Variants in XKR9 observed in about 807,000 individuals in gnomAD.
XKR9 encodes the protein XK related 9.
In XKR9, 32 loss-of-function variants were observed where a neutral mutation model predicts 32.0. That is an observed-to-expected ratio of 1.00 (90% CI 0.76 to 1.34). XKR9 has a LOEUF of 1.34. XKR9 is among the 40% of genes most tolerant of loss of function. XKR9 has a pLI of 0.00. For missense variants in XKR9, 546 were observed against 429.7 expected (o/e 1.27, Z -2.39); for synonymous variants, 168 against 143.4 (o/e 1.17, Z -1.22).
chr8:70,723,977 G>A (rs1806370507), intron 4 of XKR9, among the ~76,000 whole-genome samples: 1 of 150,732 alleles, frequency 6.6e-6, no homozygotes, highest in Admixed American at 6.6e-5. Context: ...CGCTGAAACT[G>A]CACCCACAAC....
At chr8:70,900,075 C>T in the XKR9 span, among the ~76,000 whole-genome samples, 1 of 151,920 alleles carries the variant, frequency 6.6e-6, no homozygotes, top group African/African-American at 2.4e-5. Flanking sequence ...GCACTCCAGC[C>T]TGGGTGATGG....
At chr8:71,025,588 C>T in the XKR9 span, among the ~76,000 whole-genome samples, 2 of 152,248 alleles carry the variant, frequency 1.3e-5, no homozygotes, top group Non-Finnish European at 2.9e-5. Context: ...ATGATCTTCT[C>T]TCTGTTGCCT....
At chr8:70,918,845 T>C in the XKR9 span, among the ~76,000 whole-genome samples, 2 of 137,028 alleles carry the variant, frequency 1.5e-5, no homozygotes, top group East Asian at 2.4e-4. Flanking sequence ...TGGCGCTGTC[T>C]CGGCTCACTG....
the XKR9 span, among the ~76,000 whole-genome samples, chr8:70,882,376 C>T: frequency 6.7e-6 from 1 of 149,552 alleles, no homozygotes; most frequent in Non-Finnish European, 1.5e-5. Context: ...AGAGAAATTT[C>T]CTCTTTTCCC....
At chr8:70,984,378 T>C in the XKR9 span, among the ~76,000 whole-genome samples, 1 of 152,220 alleles carries the variant, frequency 6.6e-6, no homozygotes, top group Non-Finnish European at 1.5e-5. Flanking sequence ...TCATCTCTGT[T>C]CTCTTCCCTA....
At chr8:70,951,589 CTG>C in the XKR9 span, among the ~76,000 whole-genome samples, 1 of 152,240 alleles carries the variant, frequency 6.6e-6, no homozygotes, top group East Asian at 1.9e-4. Context: ...TTTGAGGACA[CTG>C]TATTCATAGA....
the XKR9 span, among the ~76,000 whole-genome samples, chr8:71,018,928 C>A: frequency 3.9e-5 from 6 of 152,110 alleles, no homozygotes; most frequent in Non-Finnish European, 7.4e-5. Context: ...AAAAACACAA[C>A]ATAAAATTAC....
the XKR9 span, among the ~76,000 whole-genome samples, chr8:70,850,198 A>G: frequency 6.6e-6 from 1 of 152,104 alleles, no homozygotes; most frequent in Non-Finnish European, 1.5e-5. Flanking sequence ...ACGGTGGCTC[A>G]CACCTCTAAT....
At chr8:70,701,975 C>G (rs768530057) in intron 3 of XKR9, among the ~76,000 whole-genome samples, 9 of 152,088 alleles carry the variant, frequency 5.9e-5, no homozygotes, top group Non-Finnish European at 1.2e-4. Flanking sequence ...GTGGAAATGG[C>G]TTTTGCTCTT....
the XKR9 span, among the ~76,000 whole-genome samples, chr8:70,824,970 G>A: frequency 6.6e-6 from 1 of 152,128 alleles, no homozygotes; most frequent in East Asian, 1.9e-4. Flanking sequence ...AGATCTTGAT[G>A]TTTTCTCAAT....
At chr8:71,044,337 G>A in the XKR9 span, among the ~76,000 whole-genome samples, 1 of 152,188 alleles carries the variant, frequency 6.6e-6, no homozygotes, top group Middle Eastern at 3.2e-3. Flanking sequence ...GCTCAGTTGT[G>A]TGCTGCTTTG....
At chr8:71,018,901 C>T in the XKR9 span, among the ~76,000 whole-genome samples, 27 of 152,282 alleles carry the variant, frequency 1.8e-4, no homozygotes, top group Non-Finnish European at 3.4e-4. Flanking sequence ...CCAGTTAAAA[C>T]ATGCTCATTT....
At chr8:70,841,894 A>G in the XKR9 span, among the ~76,000 whole-genome samples, 1 of 152,190 alleles carries the variant, frequency 6.6e-6, no homozygotes, top group East Asian at 1.9e-4. Flanking sequence ...ATCCTCTGTA[A>G]TTAAGTATTT....
the XKR9 span, among the ~76,000 whole-genome samples, chr8:71,050,670 G>T: frequency 5.9e-5 from 9 of 152,132 alleles, no homozygotes; most frequent in Admixed American, 5.2e-4. Flanking sequence ...CCAATGCTGA[G>T]GTTTTGAGAG....
rs376828974 is a variant in XKR9, at chr8:70,753,376, C to A, written n.353-35963C>A. Among the ~76,000 whole-genome samples, 164 of 151,698 alleles carry A rather than the reference C, an allele frequency of 1.1e-3. 1 individual carries two copies. The highest frequency in any genetic ancestry group is 0.01 in the East Asian group (52 of 5,142). On this transcript the variant is annotated intron_variant and non_coding_transcript_variant, in intron 2 of 3. Coordinates refer to the XKR9 transcript ENST00000520273. ...TACCATTCCTTCTGAAACTATTCCA[C>A]TCAATAGAAAAAGAGGGAATCCTCC...
At chr8:71,043,341 C>T in the XKR9 span, among the ~76,000 whole-genome samples, 33 of 152,326 alleles carry the variant, frequency 2.2e-4, no homozygotes, top group African/African-American at 7.7e-4. Context: ...GCAGAATAGG[C>T]ATGCTTGAAA....
the XKR9 span, among the ~76,000 whole-genome samples, chr8:70,903,325 A>G: frequency 6.6e-6 from 1 of 152,028 alleles, no homozygotes; most frequent in Non-Finnish European, 1.5e-5. Flanking sequence ...AGAGCCTGTT[A>G]TTGGCCTATT....
chr8:70,701,285 C>T (rs1213698118), intron 3 of XKR9, among the ~76,000 whole-genome samples: 6 of 152,206 alleles, frequency 3.9e-5, no homozygotes, highest in South Asian at 2.1e-4. Context: ...GCGTCACTCA[C>T]GCTGGGAGCT....
intron 2 of XKR9, among the ~76,000 whole-genome samples, chr8:70,762,078 C>T (rs977379647): frequency 4.6e-5 from 7 of 152,052 alleles, no homozygotes; most frequent in African/African-American, 1.4e-4. Flanking sequence ...TGTACCAGTA[C>T]CATGCTGTTT....
Sources: allele counts gnomAD v4.1 joint callset (sites outside exome capture counted in the v4.1 genomes callset), GRCh38; gene constraint gnomAD v4.1.1; transcripts MANE v1.5; gene names NCBI Gene and HGNC (gene_info 2026-07-23, HGNC 2026-07-21).